TMOD3: variants seen among roughly 807,000 people sequenced by gnomAD.
The protein encoded by TMOD3 is tropomodulin 3.
In TMOD3, 20 loss-of-function variants were observed where a neutral mutation model predicts 39.2. The observed-to-expected ratio is 0.51, with a 90% confidence interval of 0.36 to 0.74. The LOEUF (loss-of-function observed/expected upper bound fraction) is 0.74. Ranked by LOEUF, TMOD3 falls within the 30% of genes least tolerant of loss-of-function variation. TMOD3 has a pLI of 0.00. For missense variants in TMOD3, 381 were observed against 412.8 expected (o/e 0.92, Z 0.67); for synonymous variants, 143 against 145.8 (o/e 0.98, Z 0.14).
intron 7 of TMOD3, among the ~76,000 whole-genome samples, chr15:51,897,482 ATTTT>A: frequency 8.8e-6 from 1 of 113,050 alleles, no homozygotes; most frequent in Non-Finnish European, 1.7e-5. Flanking sequence ...AAAAAAAAAA[ATTTT>A]TTTTTTTTTT....
chr15:51,860,884 C>T (rs1269871252), intron 1 of TMOD3: 3 of 392,240 alleles, frequency 7.6e-6, no homozygotes, highest in Non-Finnish European at 1.5e-5. Context: ...TGCAGTGAGC[C>T]GAGGTCATGC....
chr15:51,853,355 C>A (rs1459614835), intron 1 of TMOD3, among the ~76,000 whole-genome samples: 1 of 152,142 alleles, frequency 6.6e-6, no homozygotes, highest in Non-Finnish European at 1.5e-5. Context: ...CGTGGGCCAT[C>A]ATGCCTGGCT....
At chr15:51,897,443 A>G (rs185101491) in intron 7 of TMOD3, among the ~76,000 whole-genome samples, 1 of 144,528 alleles carries the variant, frequency 6.9e-6, no homozygotes, top group African/African-American at 2.6e-5. Context: ...ACTAAATGCA[A>G]TTTCAATCTT....
chr15:51,880,847 A>T (rs2056529088), intron 3 of TMOD3, among the ~76,000 whole-genome samples: 2 of 128,198 alleles, frequency 1.6e-5, no homozygotes, highest in South Asian at 4.7e-4. Context: ...TGCCTGATAG[A>T]ATTGCTGGAT....
At chr15:51,847,829 C>G (rs1483850654) in intron 1 of TMOD3, among the ~76,000 whole-genome samples, 1 of 152,066 alleles carries the variant, frequency 6.6e-6, no homozygotes, top group Non-Finnish European at 1.5e-5. Flanking sequence ...AATATGTGTG[C>G]CAATACAGTG....
chr15:51,843,529 G>A (rs1460049057), intron 1 of TMOD3, among the ~76,000 whole-genome samples: 1 of 152,196 alleles, frequency 6.6e-6, no homozygotes, highest in African/African-American at 2.4e-5. Context: ...CAGGAAAACA[G>A]GAGCTTAGAG....
At chr15:51,859,862 T>C in intron 1 of TMOD3, 1 of 529,714 alleles carries the variant, frequency 1.9e-6, no homozygotes, top group Non-Finnish European at 3.9e-6. Flanking sequence ...AGTCAACTGC[T>C]TGTATTGGAA....
At chr15:51,867,020 G>A (rs72732914) in intron 2 of TMOD3, among the ~76,000 whole-genome samples, 54,419 of 152,040 alleles carry the variant, frequency 0.36, 10,241 homozygotes, top group Middle Eastern at 0.43. Context: ...GAGCATTCCA[G>A]GGAAGGGAGA....
intron 3 of TMOD3, among the ~76,000 whole-genome samples, chr15:51,887,217 T>A (rs1315769192): frequency 5.1e-5 from 7 of 137,292 alleles, no homozygotes; most frequent in Non-Finnish European, 9.1e-5. Context: ...TGAGACTCCA[T>A]CTCAAAAAAA....
intron 8 of TMOD3, chr15:51,901,572 AGTGTGTGTGTGTGTGTGTGTGTGTGT>A (rs57976840): frequency 3.2e-5 from 6 of 184,806 alleles, no homozygotes; most frequent in Non-Finnish European, 6.5e-5. Flanking sequence ...TAAAAAGTTT[AGTGTGTGTGTGTGTGTGTGTGTGTGT>A]GTGTGTGTGT....
At chr15:51,861,387 C>G (rs972436007) in intron 1 of TMOD3, 1 of 171,844 alleles carries the variant, frequency 5.8e-6, no homozygotes, top group Admixed American at 6.0e-5. Context: ...AAGGTGGTTG[C>G]TAGTCAAATT....
intron 2 of TMOD3, among the ~76,000 whole-genome samples, chr15:51,868,651 A>G (rs1034471454): frequency 1.3e-5 from 2 of 152,252 alleles, no homozygotes; most frequent in Non-Finnish European, 2.9e-5. Flanking sequence ...TTCTGCTAGT[A>G]GAATCCTCTC....
At chr15:51,890,425 C>T (rs1281545541) in intron 5 of TMOD3, among the ~76,000 whole-genome samples, 1 of 151,532 alleles carries the variant, frequency 6.6e-6, no homozygotes, top group African/African-American at 2.4e-5. Flanking sequence ...GATCTGCCCA[C>T]CTCAGCCTCC....
chr15:51,900,089 G>A (rs1446327164), intron 7 of TMOD3, 66 bp from the exon 8 acceptor site: 1 of 1,445,836 alleles, frequency 6.9e-7, no homozygotes, highest in African/African-American at 1.4e-5. Flanking sequence ...TTTATTTATG[G>A]CATGTACAAT....
chr15:51,834,476 T>C (rs1390637605), intron 1 of TMOD3, among the ~76,000 whole-genome samples: 4 of 152,186 alleles, frequency 2.6e-5, no homozygotes, highest in Non-Finnish European at 4.4e-5. Context: ...GATAGGAGTT[T>C]GGGTTCATTT....
intron 3 of TMOD3, among the ~76,000 whole-genome samples, chr15:51,878,171 T>C (rs1387965443): frequency 6.6e-6 from 1 of 152,242 alleles, no homozygotes; most frequent in African/African-American, 2.4e-5. Flanking sequence ...ATCACAGGGC[T>C]CACCTCTGTT....
intron 1 of TMOD3, among the ~76,000 whole-genome samples, chr15:51,835,471 G>T (rs1332757571): frequency 6.6e-6 from 1 of 152,086 alleles, no homozygotes; most frequent in Non-Finnish European, 1.5e-5. Context: ...ACCATAACTG[G>T]CTAATTTTTG....
At chr15:51,843,229 C>T (rs112391511) in intron 1 of TMOD3, among the ~76,000 whole-genome samples, 2 of 152,036 alleles carry the variant, frequency 1.3e-5, no homozygotes, top group African/African-American at 2.4e-5. Context: ...AGGTGAAATT[C>T]GGGCCTGGGG....
At chr15:51,859,690 A>C in intron 1 of TMOD3, 1 of 485,806 alleles carries the variant, frequency 2.1e-6, no homozygotes, top group Non-Finnish European at 4.0e-6. Flanking sequence ...TCAGGTGCAC[A>C]GAGTCTTCCT....
Sources: gnomAD v4.1 joint callset for allele counts (sites outside exome capture counted in the v4.1 genomes callset) on GRCh38, gnomAD v4.1.1 for gene constraint, MANE v1.5 for transcripts, NCBI Gene and HGNC (gene_info 2026-07-23, HGNC 2026-07-21) for gene names.